The following KIAA0825 variants were observed in gnomAD, a reference collection of about 807,000 sequenced individuals.
KIAA0825 encodes the protein uncharacterized protein KIAA0825.
Under a neutral mutation model 147.6 loss-of-function variants are expected in KIAA0825, and 119 were observed. That is an observed-to-expected ratio of 0.81 (90% confidence interval 0.69 to 0.94). The LOEUF (loss-of-function observed/expected upper bound fraction) is 0.94. Among genes scored for constraint, KIAA0825 ranks in the 40% least tolerant of loss-of-function variants. The probability of loss-of-function intolerance (pLI) is 0.00; values close to 1 mark genes in which losing one functional copy is unlikely to be tolerated. For missense variants in KIAA0825, 1,381 were observed against 1,472.7 expected, an observed-to-expected ratio of 0.94 and a Z score of 1.02; for synonymous variants, 470 against 518.1, an observed-to-expected ratio of 0.91 and a Z score of 1.26.
intron 20 of KIAA0825, among the ~76,000 whole-genome samples, chr5:94,296,662 C>T (rs1212317815): frequency 6.6e-6 from 1 of 152,106 alleles, no homozygotes; most frequent in Non-Finnish European, 1.5e-5. Flanking sequence ...GGAGGGAGTT[C>T]CCTGATCCTT....
At chr5:94,216,439 G>A (rs1012107895) in intron 20 of KIAA0825, among the ~76,000 whole-genome samples, 12 of 152,166 alleles carry the variant, frequency 7.9e-5, no homozygotes, top group African/African-American at 2.7e-4. Context: ...GGAATGGAAG[G>A]TAGGTTTAAT....
intron 20 of KIAA0825, among the ~76,000 whole-genome samples, chr5:94,256,944 TCTACCTACCTAC>T (rs61472103): frequency 0.064 from 9,786 of 152,188 alleles, 588 homozygotes; most frequent in African/African-American, 0.15. Context: ...TAAAGATCTG[TCTACCTACCTAC>T]CTACCTATCT....
chr5:94,610,259 A>T (rs1788443107), intron 1 of KIAA0825, among the ~76,000 whole-genome samples: 1 of 151,104 alleles, frequency 6.6e-6, no homozygotes, highest in Non-Finnish European at 1.5e-5. Context: ...ATCTCTACTA[A>T]AAATACAAAA....
intron 13 of KIAA0825, 97 bp downstream of exon 13, chr5:94,452,862 A>G: frequency 1.7e-6 from 1 of 591,030 alleles, no homozygotes; most frequent in Non-Finnish European, 2.8e-6. Flanking sequence ...TTCTTTTTGT[A>G]AGATATAAGT....
intron 20 of KIAA0825, among the ~76,000 whole-genome samples, chr5:94,369,397 T>C (rs1415635999): frequency 6.6e-6 from 1 of 152,206 alleles, no homozygotes; most frequent in Non-Finnish European, 1.5e-5. Flanking sequence ...TATTGTATTA[T>C]ACTTTGCCTT....
chr5:94,165,480 A>C (rs1323050345), intron 20 of KIAA0825, among the ~76,000 whole-genome samples: 1 of 152,208 alleles, frequency 6.6e-6, no homozygotes, highest in Admixed American at 6.5e-5. Flanking sequence ...TAGAGCTACC[A>C]TATGATCCAG....
intron 20 of KIAA0825, among the ~76,000 whole-genome samples, chr5:94,199,985 C>G (rs775243888): frequency 1.3e-5 from 2 of 152,118 alleles, no homozygotes; most frequent in Non-Finnish European, 2.9e-5. Context: ...CAGACTGGCC[C>G]AGTCCTGCAG....
intron 20 of KIAA0825, among the ~76,000 whole-genome samples, chr5:94,181,014 GT>G (rs1349460451): frequency 6.6e-6 from 1 of 152,014 alleles, no homozygotes; most frequent in African/African-American, 2.4e-5. Flanking sequence ...CTGATACACT[GT>G]TTTCAGAGTT....
At chr5:94,562,191 G>A (rs1361369531) in intron 2 of KIAA0825, among the ~76,000 whole-genome samples, 1 of 152,056 alleles carries the variant, frequency 6.6e-6, no homozygotes, top group Non-Finnish European at 1.5e-5. Context: ...TTAATCTTCT[G>A]TCATACAGCC....
intron 14 of KIAA0825, among the ~76,000 whole-genome samples, chr5:94,420,155 T>C (rs1753986891): frequency 6.6e-6 from 1 of 151,800 alleles, no homozygotes; most frequent in Admixed American, 6.6e-5. Flanking sequence ...GTGGCTGAAG[T>C]GAGACTGCCA....
chr5:94,293,099 G>A (rs950600315), intron 20 of KIAA0825, among the ~76,000 whole-genome samples: 7 of 150,578 alleles, frequency 4.6e-5, no homozygotes, highest in South Asian at 2.1e-4. Context: ...GGTTTTACAC[G>A]TCTCTATCTC....
At chr5:94,255,357 C>T (rs1482108839) in intron 20 of KIAA0825, among the ~76,000 whole-genome samples, 1 of 151,738 alleles carries the variant, frequency 6.6e-6, no homozygotes, top group African/African-American at 2.4e-5. Flanking sequence ...AGATACCAAG[C>T]ATGAAGAGGC....
Position 94,535,530 on chromosome 5 carries a change from A to G in KIAA0825, c.131+1466T>C, listed in dbSNP as rs763084170. Among the ~76,000 whole-genome samples, 173 of 149,278 alleles carry G rather than the reference A, an allele frequency of 1.2e-3. 1 individual carries two copies. The highest frequency in any genetic ancestry group is 2.2e-3 in the Non-Finnish European group (149 of 67,546). On this transcript the variant is annotated intron_variant, in intron 3 of 20. Coordinates refer to ENST00000682413, the MANE Select transcript of KIAA0825 (RefSeq NM_001145678.3). ...AAAAAAAAAAAAAAAGCTTGTAATC[A>G]TAAGTACTTTTTCATCTTTTGCCAT...
chr5:94,579,569 G>A (rs998514504), intron 2 of KIAA0825, among the ~76,000 whole-genome samples: 2 of 152,190 alleles, frequency 1.3e-5, no homozygotes, highest in Non-Finnish European at 2.9e-5. Context: ...AAATACGTAA[G>A]TTAGAACCAC....
chr5:94,518,572 T>C (rs773890810), intron 5 of KIAA0825, among the ~76,000 whole-genome samples: 2 of 152,156 alleles, frequency 1.3e-5, no homozygotes, highest in Non-Finnish European at 2.9e-5. Flanking sequence ...CCTGATTTCA[T>C]ACAACATGAT....
chr5:94,215,483 T>C (rs182733089), intron 20 of KIAA0825, among the ~76,000 whole-genome samples: 11 of 152,254 alleles, frequency 7.2e-5, no homozygotes, highest in Admixed American at 3.3e-4. Flanking sequence ...TTCAAATTGA[T>C]AAATTCAAAT....
intron 20 of KIAA0825, among the ~76,000 whole-genome samples, chr5:94,214,591 C>T (rs1334554850): frequency 1.3e-5 from 2 of 152,184 alleles, no homozygotes; most frequent in Non-Finnish European, 2.9e-5. Flanking sequence ...CCTGGGCCAT[C>T]TTTATTCTTG....
intron 20 of KIAA0825, among the ~76,000 whole-genome samples, chr5:94,246,944 G>C (rs1228264166): frequency 6.6e-6 from 1 of 152,154 alleles, no homozygotes; most frequent in Non-Finnish European, 1.5e-5. Flanking sequence ...AGTTTGGAAG[G>C]AAAGTGGAAG....
chr5:94,358,992 A>G (rs1373287534), intron 20 of KIAA0825, among the ~76,000 whole-genome samples: 1 of 152,194 alleles, frequency 6.6e-6, no homozygotes, highest in Non-Finnish European at 1.5e-5. Context: ...GCAATTTACT[A>G]ATCAATTTGT....
Sources: gnomAD v4.1 joint callset for allele counts (sites outside exome capture counted in the v4.1 genomes callset) on GRCh38, gnomAD v4.1.1 for gene constraint, MANE v1.5 for transcripts, NCBI Gene and HGNC (gene_info 2026-07-23, HGNC 2026-07-21) for gene names.